Variants in STXBP5L observed in about 807,000 individuals in gnomAD.
STXBP5L encodes syntaxin-binding protein 5-like.
Under a neutral mutation model 144.5 loss-of-function variants are expected in STXBP5L, and 65 were observed. The observed-to-expected ratio is 0.45, with a 90% CI of 0.37 to 0.55. The LOEUF is 0.55. STXBP5L is among the 20% of genes least tolerant of loss of function. The probability of loss-of-function intolerance (pLI) is 0.00; values close to 1 mark genes in which losing one functional copy is unlikely to be tolerated. For missense variants in STXBP5L, 1,298 were observed against 1,405.5 expected, an observed-to-expected ratio of 0.92 and a Z score of 1.22; for synonymous variants, 505 against 469.6, an observed-to-expected ratio of 1.08 and a Z score of -0.97.
At chr3:121,131,670 C>T (rs1285616950) in intron 7 of STXBP5L, among the ~76,000 whole-genome samples, 1 of 151,982 alleles carries the variant, frequency 6.6e-6, no homozygotes, top group Non-Finnish European at 1.5e-5. Flanking sequence ...TTTTATGAAG[C>T]AATTATAAGA....
chr3:121,008,550 A>G (rs534865925), intron 3 of STXBP5L, among the ~76,000 whole-genome samples: 1 of 152,124 alleles, frequency 6.6e-6, no homozygotes, highest in Non-Finnish European at 1.5e-5. Context: ...CAAATAATGG[A>G]CATTGACTGG....
rs369582607 is a variant in STXBP5L, at chr3:120,909,741, A to T, written c.163A>T (p.Thr55Ser). The change falls in exon 2 of 27, where the codon ACT (threonine) becomes TCT (serine). Residue 55 changes from threonine to serine, a missense_variant. Coordinates refer to ENST00000471454, the MANE Select transcript of STXBP5L (RefSeq NM_001308330.2). ...CAGAGAGGAAATTCAGGAAACTTTG[A>T]CTTCGGAGTATTTCCAGATTTGCAA... ...VLREEIQETL[T>S]SEYFQICKTV... 16 of 1,611,892 alleles carry T rather than the reference A, an allele frequency of 9.9e-6. No individual in the cohort carries two copies. The highest frequency in any genetic ancestry group is 1.3e-5 in the Non-Finnish European group (15 of 1,179,488).
intron 3 of STXBP5L, among the ~76,000 whole-genome samples, chr3:120,965,100 T>G (rs1341895832): frequency 6.6e-6 from 1 of 151,444 alleles, no homozygotes; most frequent in Admixed American, 6.6e-5. Flanking sequence ...CAACCCCTGG[T>G]TTTTTTTGCT....
At chr3:121,129,074 C>T (rs898218912) in intron 7 of STXBP5L, among the ~76,000 whole-genome samples, 3 of 151,976 alleles carry the variant, frequency 2.0e-5, no homozygotes, top group African/African-American at 7.2e-5. Flanking sequence ...AGAGGCGAGA[C>T]ATATGGAATA....
At chr3:120,971,317 C>T (rs1323337515) in intron 3 of STXBP5L, among the ~76,000 whole-genome samples, 3 of 151,874 alleles carry the variant, frequency 2.0e-5, no homozygotes, top group Admixed American at 6.6e-5. Context: ...ATTTTGTACC[C>T]GTCACCCAAG....
intron 9 of STXBP5L, among the ~76,000 whole-genome samples, chr3:121,191,077 C>T (rs2047656431): frequency 6.6e-6 from 1 of 151,926 alleles, no homozygotes; most frequent in South Asian, 2.1e-4. Flanking sequence ...GGCAGAGGGG[C>T]TCCTCACATC....
intron 16 of STXBP5L, among the ~76,000 whole-genome samples, chr3:121,256,185 G>A (rs1016701305): frequency 2.0e-5 from 3 of 152,012 alleles, no homozygotes; most frequent in Non-Finnish European, 4.4e-5. Flanking sequence ...TAGGGTTCTT[G>A]TGATGATTAT....
intron 5 of STXBP5L, among the ~76,000 whole-genome samples, chr3:121,076,626 C>T (rs2042029990): frequency 6.6e-6 from 1 of 152,120 alleles, no homozygotes; most frequent in South Asian, 2.1e-4. Context: ...ACCCAAAACA[C>T]TCGGCCAATT....
intron 6 of STXBP5L, among the ~76,000 whole-genome samples, chr3:121,120,923 T>C (rs1300267264): frequency 2.0e-5 from 3 of 151,252 alleles, no homozygotes; most frequent in Non-Finnish European, 4.5e-5. Flanking sequence ...GACATAATCA[T>C]TTTCAAAGTG....
intron 3 of STXBP5L, among the ~76,000 whole-genome samples, chr3:121,034,628 G>A: frequency 6.6e-6 from 1 of 151,708 alleles, no homozygotes. Context: ...ATCCATTAAT[G>A]GACACTTAGA....
intron 9 of STXBP5L, among the ~76,000 whole-genome samples, chr3:121,191,921 G>T (rs2047703615): frequency 8.5e-6 from 1 of 117,658 alleles, no homozygotes; most frequent in Non-Finnish European, 1.7e-5. Context: ...ACAGGGTGGG[G>T]AACATCACAC....
chr3:121,263,687 T>C (rs535679426), intron 18 of STXBP5L, among the ~76,000 whole-genome samples: 39 of 151,986 alleles, frequency 2.6e-4, no homozygotes, highest in Admixed American at 2.0e-3. Context: ...AATAGCCAAA[T>C]TGATCAAGTA....
In STXBP5L at chr3:120,984,766, C is replaced by T. The variant is rs188014274; in HGVS notation, c.287+29729C>T. Among the ~76,000 whole-genome samples, 9 of 150,922 alleles carry T rather than the reference C, an allele frequency of 6.0e-5. No homozygotes were observed. The East Asian group carries it at 1.2e-3, about 20-fold the overall frequency. On this transcript the variant is annotated intron_variant, in intron 3 of 26. Coordinates refer to ENST00000471454, the MANE Select transcript of STXBP5L (RefSeq NM_001308330.2). ...TAAAAGAAGAGTTTTCAGTCTTTCA[C>T]CACTGAGTATGATGTATGATGTATG...
chr3:121,070,009 C>G (rs143483841), intron 5 of STXBP5L, among the ~76,000 whole-genome samples: 74 of 152,266 alleles, frequency 4.9e-4, no homozygotes, highest in African/African-American at 1.7e-3. Flanking sequence ...GATTATTATT[C>G]ATTTCAAAGA....
chr3:121,367,592 CTTGTT>C (rs2045897824), intron 20 of STXBP5L, among the ~76,000 whole-genome samples: 1 of 59,138 alleles, frequency 1.7e-5, no homozygotes, highest in African/African-American at 6.4e-5. Context: ...GTCTTCGACT[CTTGTT>C]TTTTTTTTTT....
intron 3 of STXBP5L, among the ~76,000 whole-genome samples, chr3:120,978,987 G>T (rs886470677): frequency 6.6e-6 from 1 of 152,164 alleles, no homozygotes; most frequent in Non-Finnish European, 1.5e-5. Flanking sequence ...GCTGCTTGGG[G>T]GTCAGGGGTC....
intron 9 of STXBP5L, among the ~76,000 whole-genome samples, chr3:121,190,443 A>G (rs943191786): frequency 6.6e-6 from 1 of 152,200 alleles, no homozygotes; most frequent in African/African-American, 2.4e-5. Context: ...GGAGTCTCCT[A>G]TGTCTACCCC....
intron 3 of STXBP5L, among the ~76,000 whole-genome samples, chr3:120,980,837 C>T (rs971008853): frequency 6.6e-6 from 1 of 152,102 alleles, no homozygotes; most frequent in South Asian, 2.1e-4. Context: ...TTTATGATGG[C>T]ATTGCCCATT....
intron 7 of STXBP5L, 148 bp downstream of exon 7, chr3:121,121,852 GTAAA>G (rs1040758676): frequency 2.1e-4 from 104 of 494,988 alleles, no homozygotes; most frequent in Non-Finnish European, 3.0e-4. Flanking sequence ...CAACGAATGA[GTAAA>G]TGAATGAATG....
Sources: allele counts gnomAD v4.1 joint callset (sites outside exome capture counted in the v4.1 genomes callset), GRCh38; gene constraint gnomAD v4.1.1; transcripts MANE v1.5; gene names NCBI Gene and HGNC (gene_info 2026-07-23, HGNC 2026-07-21).